The following SDK1 variants were observed in gnomAD, a reference collection of about 807,000 sequenced individuals.
The protein encoded by SDK1 is protein sidekick-1.
SDK1 carries 157 observed loss-of-function variants against 245.5 expected under a neutral mutation model. The observed-to-expected ratio is 0.64, with a 90% CI of 0.56 to 0.73. The LOEUF (loss-of-function observed/expected upper bound fraction) is 0.73. SDK1 is among the 30% of genes least tolerant of loss of function. SDK1 has a pLI of 0.00. For missense variants in SDK1, 3,583 were observed against 3,002.3 expected, an observed-to-expected ratio of 1.19 and a Z score of -4.52; for synonymous variants, 1,647 against 1,278.5, an observed-to-expected ratio of 1.29 and a Z score of -6.15.
At chr7:3,572,364 G>A (rs188251700) in intron 1 of SDK1, among the ~76,000 whole-genome samples, 1 of 152,114 alleles carries the variant, frequency 6.6e-6, no homozygotes, top group African/African-American at 2.4e-5. Context: ...TTTGGGATCA[G>A]GATCATCCAG....
At chr7:3,508,008 T>G (rs1782449141) in intron 1 of SDK1, among the ~76,000 whole-genome samples, 2 of 152,184 alleles carry the variant, frequency 1.3e-5, no homozygotes, top group African/African-American at 4.8e-5. Context: ...CTTACTTTCC[T>G]GACCCCATAT....
rs762644899 is a variant in SDK1 at position 4,063,673 on chromosome 7, C to CA, written c.2912-4160dup. ...CCCAAATAGCCAAAGCAATCCATAG[C>CA]AAAAATAACGAAACTGGAGGAATCA... On this transcript the variant is annotated intron_variant, in intron 19 of 44. Transcript: ENST00000404826. Among the ~76,000 whole-genome samples, 10 of 150,648 alleles carry CA rather than the reference C, an allele frequency of 6.6e-5. No individual in the cohort carries two copies. In the East Asian group the frequency reaches 9.7e-4, roughly 15 times the overall value.
intron 1 of SDK1, among the ~76,000 whole-genome samples, chr7:3,512,397 G>A (rs1017857540): frequency 8.5e-5 from 13 of 152,202 alleles, no homozygotes; most frequent in South Asian, 2.1e-4. Flanking sequence ...CCAAGTTTTC[G>A]CAATTATGAA....
At chr7:3,666,475 C>T (rs1166936355) in intron 4 of SDK1, among the ~76,000 whole-genome samples, 2 of 152,200 alleles carry the variant, frequency 1.3e-5, no homozygotes, top group African/African-American at 2.4e-5. Flanking sequence ...GGCTCCTGCC[C>T]TCACCCTGCT....
chr7:4,182,397 T>G (rs1782650456), intron 35 of SDK1, among the ~76,000 whole-genome samples: 1 of 152,228 alleles, frequency 6.6e-6, no homozygotes, highest in South Asian at 2.1e-4. Flanking sequence ...AAACAGCTCC[T>G]TGCCCCAGGG....
At chr7:3,906,809 T>C (rs1778959756) in intron 5 of SDK1, among the ~76,000 whole-genome samples, 1 of 151,990 alleles carries the variant, frequency 6.6e-6, no homozygotes, top group Non-Finnish European at 1.5e-5. Context: ...TTGTATTTTT[T>C]AGTAGAGACG....
At chr7:3,839,579 A>G (rs6961081) in intron 5 of SDK1, among the ~76,000 whole-genome samples, 11,266 of 152,232 alleles carry the variant, frequency 0.074, 1,342 homozygotes, top group African/African-American at 0.25. Flanking sequence ...ATTTATAAAA[A>G]CAAAAAAATA....
At chr7:4,191,416 G>A (rs935519824) in intron 35 of SDK1, among the ~76,000 whole-genome samples, 13 of 152,358 alleles carry the variant, frequency 8.5e-5, no homozygotes, top group Non-Finnish European at 1.3e-4. Flanking sequence ...AGCATCGCGC[G>A]GTGCCCGCTG....
rs201788695 is a variant in SDK1, at chr7:4,137,789, ATGT to A, written c.4228+5368_4228+5370del. Among the ~76,000 whole-genome samples the A allele has an allele frequency of 8.0e-3, 1,217 of 152,338 alleles. 22 individuals carry two copies. Among genetic ancestry groups the A allele is most frequent in the African/African-American group, 0.028 (1,146 of 41,580 alleles). ...TGCGTCGCTGAAGTGCAGCGCACTG[ATGT>A]TTCTGATCTCGCTGTAACCGTAATT... On this transcript the variant is annotated intron_variant, in intron 28 of 44. Coordinates refer to ENST00000404826, the MANE Select transcript of SDK1 (RefSeq NM_152744.4).
chr7:4,087,017 T>C (rs977573338), intron 22 of SDK1, among the ~76,000 whole-genome samples: 4 of 145,660 alleles, frequency 2.7e-5, no homozygotes, highest in African/African-American at 1.1e-4. Context: ...CATGTATATA[T>C]TTTTTGCCAT....
chr7:4,008,174 T>C (rs924272187), intron 14 of SDK1, among the ~76,000 whole-genome samples: 2 of 152,236 alleles, frequency 1.3e-5, no homozygotes, highest in Admixed American at 6.5e-5. Flanking sequence ...TTTCATGTAG[T>C]ATACTGTCCT....
intron 1 of SDK1, among the ~76,000 whole-genome samples, chr7:3,575,844 T>A (rs1780269250): frequency 6.6e-6 from 1 of 151,902 alleles, no homozygotes; most frequent in Non-Finnish European, 1.5e-5. Context: ...AGGCTGTAAA[T>A]CTATTATTTA....
At chr7:3,423,476 A>T (rs1175262644) in intron 1 of SDK1, among the ~76,000 whole-genome samples, 2 of 151,934 alleles carry the variant, frequency 1.3e-5, no homozygotes, top group Non-Finnish European at 2.9e-5. Flanking sequence ...TATAAGATAG[A>T]TTTTTTTGGG....
intron 1 of SDK1, among the ~76,000 whole-genome samples, chr7:3,513,134 T>C (rs1782635246): frequency 6.6e-6 from 1 of 152,176 alleles, no homozygotes; most frequent in African/African-American, 2.4e-5. Flanking sequence ...TACTAGCAGC[T>C]AACAGTTACT....
At chr7:3,779,837 C>T (rs1248892162) in intron 4 of SDK1, among the ~76,000 whole-genome samples, 1 of 149,024 alleles carries the variant, frequency 6.7e-6, no homozygotes, top group Non-Finnish European at 1.5e-5. Flanking sequence ...GAGGCTGAGG[C>T]AGGAGAATGG....
intron 4 of SDK1, among the ~76,000 whole-genome samples, chr7:3,814,185 C>G (rs1211231260): frequency 6.6e-6 from 1 of 151,328 alleles, no homozygotes; most frequent in Non-Finnish European, 1.5e-5. Context: ...AAAGTCCTTG[C>G]CCATGCCTAT....
rs1783878866 is a variant in SDK1 at position 4,118,736 on chromosome 7, T to C, written c.3823+4462T>C. 2.0e-5 allele frequency among the ~76,000 whole-genome samples: 3 copies of C among 149,182 alleles called. 1 individual carries two copies. The highest frequency in any genetic ancestry group is 7.3e-5 in the African/African-American group (3 of 40,920). Reference sequence around the variant, plus strand: ...TGTGGTCTATGCATTCAATGGATGATTCAGCAATAAAAAGGAATGGAATTC... The same window carrying C: ...TGTGGTCTATGCATTCAATGGATGACTCAGCAATAAAAAGGAATGGAATTC... On this transcript the variant is annotated intron_variant, in intron 25 of 44. Transcript: ENST00000404826.
chr7:3,810,955 A>T (rs776986902), intron 4 of SDK1, among the ~76,000 whole-genome samples: 3 of 152,178 alleles, frequency 2.0e-5, no homozygotes, highest in Non-Finnish European at 2.9e-5. Context: ...CTCTAATGTG[A>T]TAATTCAGTG....
At chr7:3,451,419 T>A (rs943667800) in intron 1 of SDK1, among the ~76,000 whole-genome samples, 1 of 151,972 alleles carries the variant, frequency 6.6e-6, no homozygotes, top group Non-Finnish European at 1.5e-5. Flanking sequence ...AAAGGGTACA[T>A]TCTGAGGAAA....
Sources: allele counts gnomAD v4.1 joint callset (sites outside exome capture counted in the v4.1 genomes callset), GRCh38; gene constraint gnomAD v4.1.1; transcripts MANE v1.5; gene names NCBI Gene and HGNC (gene_info 2026-07-23, HGNC 2026-07-21).